TRIM9: variants seen among roughly 807,000 people sequenced by gnomAD.
The protein encoded by TRIM9 is E3 ubiquitin-protein ligase TRIM9.
A neutral mutation model predicts 78.3 loss-of-function variants in TRIM9; 26 were observed. The ratio of observed to expected loss-of-function variants is 0.33; its 90% CI spans 0.24 to 0.46. The LOEUF (loss-of-function observed/expected upper bound fraction) is 0.46. Ranked by LOEUF, TRIM9 falls within the 20% of genes least tolerant of loss-of-function variation. The pLI, the probability that TRIM9 is intolerant of heterozygous loss-of-function variation, is 1.00. For missense variants in TRIM9, 787 were observed against 1,036.4 expected, an observed-to-expected ratio of 0.76 and a Z score of 3.30; for synonymous variants, 398 against 416.5, an observed-to-expected ratio of 0.96 and a Z score of 0.54.
intron 1 of TRIM9, among the ~76,000 whole-genome samples, chr14:51,078,910 A>G (rs991273945): frequency 9.2e-5 from 14 of 152,344 alleles, no homozygotes; most frequent in African/African-American, 2.9e-4. Context: ...TGTCACATAC[A>G]AAAAAGTAAC....
intron 1 of TRIM9, among the ~76,000 whole-genome samples, chr14:51,051,623 C>A (rs2060431750): frequency 6.6e-6 from 1 of 152,084 alleles, no homozygotes; most frequent in African/African-American, 2.4e-5. Context: ...ATTAATAAAT[C>A]ACCCTAAACT....
chr14:51,037,327 T>C (rs1445046838), intron 1 of TRIM9, among the ~76,000 whole-genome samples: 1 of 152,154 alleles, frequency 6.6e-6, no homozygotes, highest in Non-Finnish European at 1.5e-5. Flanking sequence ...TGCAACATGG[T>C]TCCCACTAGG....
At chr14:50,998,019 C>G in intron 7 of TRIM9, 31 bp downstream of exon 7, 1 of 1,613,548 alleles carries the variant, frequency 6.2e-7, no homozygotes, top group Non-Finnish European at 8.5e-7. Context: ...ACGCAGTTCT[C>G]GCTCTGAGGG....
At chr14:51,054,769 G>A (rs1226069515) in intron 1 of TRIM9, among the ~76,000 whole-genome samples, 1 of 151,732 alleles carries the variant, frequency 6.6e-6, no homozygotes, top group Admixed American at 6.6e-5. Flanking sequence ...AGACGGTCTT[G>A]ACCTCGTGAT....
chr14:51,054,115 T>A (rs911074998), intron 1 of TRIM9, among the ~76,000 whole-genome samples: 6 of 152,174 alleles, frequency 3.9e-5, no homozygotes, highest in Non-Finnish European at 7.4e-5. Context: ...TTAAAAAAAA[T>A]TTTAGAGACA....
chr14:50,994,933 G>A (rs2054005572), intron 7 of TRIM9, among the ~76,000 whole-genome samples: 1 of 152,162 alleles, frequency 6.6e-6, no homozygotes, highest in Admixed American at 6.5e-5. Context: ...TTTTCCATGG[G>A]TGTCTTTGAT....
intron 1 of TRIM9, among the ~76,000 whole-genome samples, chr14:51,060,474 T>C (rs2061256862): frequency 6.6e-6 from 1 of 151,734 alleles, no homozygotes; most frequent in Admixed American, 6.6e-5. Context: ...TTCATTCTCT[T>C]TTTTTTTTCT....
At chr14:51,044,976 G>C (rs774658420) in intron 1 of TRIM9, among the ~76,000 whole-genome samples, 1 of 152,188 alleles carries the variant, frequency 6.6e-6, no homozygotes, top group Non-Finnish European at 1.5e-5. Flanking sequence ...GGGTTGGTGA[G>C]GATGGTGTTG....
chr14:51,059,921 C>T (rs2061207396), intron 1 of TRIM9, among the ~76,000 whole-genome samples: 2 of 152,082 alleles, frequency 1.3e-5, no homozygotes, highest in African/African-American at 4.8e-5. Flanking sequence ...TTGGCTACTA[C>T]CACGGCCCTA....
At chr14:51,011,023 C>T (rs963615940) in intron 3 of TRIM9, among the ~76,000 whole-genome samples, 17 of 152,204 alleles carry the variant, frequency 1.1e-4, no homozygotes, top group East Asian at 1.9e-4. Context: ...TTTTTCCTTG[C>T]GTGGATGGTG....
chr14:51,038,340 G>A (rs2059324531), intron 1 of TRIM9, among the ~76,000 whole-genome samples: 1 of 152,014 alleles, frequency 6.6e-6, no homozygotes, highest in East Asian at 1.9e-4. Flanking sequence ...AGGAGTGCAA[G>A]GTAAAAAATC....
In TRIM9 at chr14:51,094,705, C is replaced by T. The variant is rs1457990845; in HGVS notation, c.235G>A (p.Gly79Ser). The change falls in exon 1 of 13, where the codon GGC becomes AGC. Residue 79 changes from glycine (G) to serine (S), a missense_variant. Transcript: ENST00000684578. ...SLYSEADSGY[G>S]SYGGFASAPT... The stretch of plus-strand genomic sequence containing the variant: ...GCGCTGGCGAACCCCCCGTAGGAGC[C>T]ATAGCCGCTGTCCGCCTCGCTGTAT... 6 of 1,561,560 alleles carry T rather than the reference C, an allele frequency of 3.8e-6. No homozygotes were observed. Among genetic ancestry groups the T allele is most frequent in the Non-Finnish European group, 5.2e-6 (6 of 1,153,266 alleles).
chr14:51,028,223 A>G (rs2058428827), intron 1 of TRIM9, among the ~76,000 whole-genome samples: 1 of 149,934 alleles, frequency 6.7e-6, no homozygotes, highest in Non-Finnish European at 1.5e-5. Flanking sequence ...AATGCCTTCT[A>G]CCTGGCTGAT....
At chr14:51,007,172 CCT>C (rs1406148938) in intron 5 of TRIM9, among the ~76,000 whole-genome samples, 2 of 152,136 alleles carry the variant, frequency 1.3e-5, no homozygotes, top group Non-Finnish European at 2.9e-5. Context: ...CTCATTTTTT[CCT>C]CTTTCACCAA....
At chr14:51,042,190 G>A (rs181493463) in intron 1 of TRIM9, among the ~76,000 whole-genome samples, 30 of 152,298 alleles carry the variant, frequency 2.0e-4, no homozygotes, top group Admixed American at 9.8e-4. Flanking sequence ...TTTCAAAGCC[G>A]TTGCAAGTAT....
chr14:51,052,911 T>C (rs906324113), intron 1 of TRIM9, among the ~76,000 whole-genome samples: 14 of 151,982 alleles, frequency 9.2e-5, no homozygotes, highest in Non-Finnish European at 2.1e-4. Flanking sequence ...AATCCCAACA[T>C]TTTGGGAGGC....
intron 11 of TRIM9, among the ~76,000 whole-genome samples, chr14:50,979,980 G>T (rs1216263647): frequency 6.6e-6 from 1 of 152,144 alleles, no homozygotes; most frequent in Non-Finnish European, 1.5e-5. Flanking sequence ...TGCACACTTT[G>T]TATAAATGGT....
chr14:50,998,685 T>G (rs1442984675), intron 6 of TRIM9, among the ~76,000 whole-genome samples: 2 of 152,158 alleles, frequency 1.3e-5, no homozygotes, highest in African/African-American at 4.8e-5. Flanking sequence ...ACTTCAGAAC[T>G]GTCACAGAGA....
intron 1 of TRIM9, among the ~76,000 whole-genome samples, chr14:51,071,953 A>G (rs536164112): frequency 1.2e-4 from 18 of 152,342 alleles, no homozygotes; most frequent in Admixed American, 6.5e-4. Flanking sequence ...GCATTTGCCA[A>G]TCCCGGACTC....
Sources: gnomAD v4.1 joint callset for allele counts (sites outside exome capture counted in the v4.1 genomes callset) on GRCh38, gnomAD v4.1.1 for gene constraint, MANE v1.5 for transcripts, NCBI Gene and HGNC (gene_info 2026-07-23, HGNC 2026-07-21) for gene names.